OPCML: variants seen among roughly 807,000 people sequenced by gnomAD.
The protein encoded by OPCML is opioid-binding protein/cell adhesion molecule.
A neutral mutation model predicts 37.8 loss-of-function variants in OPCML; 13 were observed. That is an observed-to-expected ratio of 0.34 (90% confidence interval 0.22 to 0.55). The LOEUF (loss-of-function observed/expected upper bound fraction) is 0.55. OPCML is among the 20% of genes least tolerant of loss of function. The pLI, the probability that OPCML is intolerant of heterozygous loss-of-function variation, is 0.91. For missense variants in OPCML, 341 were observed against 435.6 expected (o/e 0.78, Z 1.93); for synonymous variants, 176 against 168.8 (o/e 1.04, Z -0.33).
Position 133,458,548 on chromosome 11 carries a change from C to CT in OPCML, c.61+73715_61+73716insA, listed in dbSNP as rs1334048601. Among the ~76,000 whole-genome samples, 61 of 87,256 alleles carry CT rather than the reference C, an allele frequency of 7.0e-4. 3 individuals carry two copies. Among genetic ancestry groups the CT allele is most frequent in the Non-Finnish European group, 1.1e-3 (55 of 51,326 alleles). 57.2% of individuals were successfully genotyped at this position (87,256 alleles called of 152,430 possible). A position where few individuals can be genotyped will look rare whatever the true frequency, so the allele number is the denominator to read the frequency against. ...CTGTGTGTGTATACACATATATACA[C>CT]GTGTGTGTGTATACACATATATACA... On this transcript the variant is annotated intron_variant, in intron 1 of 7. Coordinates refer to ENST00000524381, the MANE Select transcript of OPCML (RefSeq NM_001012393.5).
intron 4 of OPCML, among the ~76,000 whole-genome samples, chr11:132,454,924 A>C (rs1156714981): frequency 6.6e-6 from 1 of 152,220 alleles, no homozygotes; most frequent in Non-Finnish European, 1.5e-5. Context: ...CCTGGACTGA[A>C]TAAACATGTC....
intron 2 of OPCML, among the ~76,000 whole-genome samples, chr11:132,668,101 G>A (rs1328259900): frequency 4.6e-5 from 7 of 152,168 alleles, no homozygotes; most frequent in African/African-American, 1.7e-4. Flanking sequence ...TCTTAATAAA[G>A]TCCTTGAGCA....
intron 1 of OPCML, among the ~76,000 whole-genome samples, chr11:133,395,289 T>A (rs1171631931): frequency 6.6e-6 from 1 of 152,166 alleles, no homozygotes; most frequent in African/African-American, 2.4e-5. Flanking sequence ...TGTCAGAGAG[T>A]AGTTTGCAAA....
intron 1 of OPCML, among the ~76,000 whole-genome samples, chr11:133,082,289 G>T (rs924270632): frequency 1.1e-3 from 171 of 151,688 alleles, no homozygotes; most frequent in African/African-American, 3.9e-3. Context: ...TGGGGCCTTG[G>T]GTAGGCGAGC....
intron 4 of OPCML, among the ~76,000 whole-genome samples, chr11:132,473,591 C>T (rs1189122225): frequency 2.6e-5 from 4 of 152,052 alleles, no homozygotes; most frequent in Admixed American, 1.3e-4. Flanking sequence ...TTTGGGAGGC[C>T]GAGGTGGGAA....
At chr11:133,367,316 G>C (rs1448473373) in intron 1 of OPCML, among the ~76,000 whole-genome samples, 8 of 152,086 alleles carry the variant, frequency 5.3e-5, no homozygotes. Context: ...CTAAAGACAT[G>C]GCTGCATGTT....
intron 4 of OPCML, among the ~76,000 whole-genome samples, chr11:132,451,934 C>T (rs764297994): frequency 3.5e-4 from 54 of 152,142 alleles, no homozygotes; most frequent in Non-Finnish European, 6.8e-4. Context: ...TCAAACTCTG[C>T]CCTCACTGGA....
intron 4 of OPCML, among the ~76,000 whole-genome samples, chr11:132,475,941 C>T (rs2136983455): frequency 6.6e-6 from 1 of 152,264 alleles, no homozygotes; most frequent in Non-Finnish European, 1.5e-5. Flanking sequence ...TGACCCTGTG[C>T]AAGTAACCTA....
At chr11:133,384,788 C>T (rs1945009018) in intron 1 of OPCML, among the ~76,000 whole-genome samples, 1 of 152,234 alleles carries the variant, frequency 6.6e-6, no homozygotes, top group Admixed American at 6.5e-5. Flanking sequence ...GCCAAAGCCC[C>T]TCAGAAGTGG....
chr11:132,912,157 T>TA (rs11390129), intron 2 of OPCML, among the ~76,000 whole-genome samples: 19,129 of 147,564 alleles, frequency 0.13, 1,399 homozygotes, highest in East Asian at 0.34. Context: ...AAGACTCCAA[T>TA]AAAAAAAAAA....
intron 1 of OPCML, among the ~76,000 whole-genome samples, chr11:133,364,345 T>C (rs956652205): frequency 1.3e-5 from 2 of 152,198 alleles, no homozygotes; most frequent in African/African-American, 2.4e-5. Flanking sequence ...AGAGCCCACA[T>C]GAAACAGTGC....
intron 2 of OPCML, among the ~76,000 whole-genome samples, chr11:132,678,419 T>C (rs1186997854): frequency 6.6e-6 from 1 of 152,204 alleles, no homozygotes; most frequent in Non-Finnish European, 1.5e-5. Context: ...GTTGAAAGTT[T>C]ATGACCATGC....
intron 2 of OPCML, among the ~76,000 whole-genome samples, chr11:132,850,986 C>T (rs1941783561): frequency 6.6e-6 from 1 of 152,210 alleles, no homozygotes; most frequent in African/African-American, 2.4e-5. Flanking sequence ...ATGGGGTCTG[C>T]GAATAGAATT....
chr11:132,820,101 A>G (rs910952476), intron 2 of OPCML, among the ~76,000 whole-genome samples: 1 of 151,546 alleles, frequency 6.6e-6, no homozygotes, highest in Non-Finnish European at 1.5e-5. Flanking sequence ...GAATGAATGA[A>G]TGAAAGAAAC....
At chr11:133,246,630 G>A (rs528019406) in intron 1 of OPCML, among the ~76,000 whole-genome samples, 11 of 152,228 alleles carry the variant, frequency 7.2e-5, no homozygotes, top group South Asian at 4.1e-4. Flanking sequence ...AGAGACATCC[G>A]GGGCAAACTC....
In OPCML at chr11:132,734,432, A is replaced by G. The variant is rs541788873; in HGVS notation, c.147-77113T>C. 1.6e-4 allele frequency among the ~76,000 whole-genome samples: 24 copies of G among 152,318 alleles called. No individual in the cohort carries two copies. In the South Asian group the frequency reaches 3.1e-3, roughly 20 times the overall value. On this transcript the variant is annotated intron_variant, in intron 2 of 7. Transcript: ENST00000524381. Reference sequence around the variant, plus strand: ...AGACACCACTTTATGAAATCATTCAAGCAGACCAATAAATCCACAATGTGG... The same window carrying G: ...AGACACCACTTTATGAAATCATTCAGGCAGACCAATAAATCCACAATGTGG...
intron 1 of OPCML, among the ~76,000 whole-genome samples, chr11:133,376,136 A>T (rs7115866): frequency 0.2 from 29,741 of 152,112 alleles, 3,935 homozygotes; most frequent in African/African-American, 0.37. Flanking sequence ...AGGGCAGATA[A>T]TGAGTCAGAT....
At chr11:133,356,135 C>T (rs1944283917) in intron 1 of OPCML, among the ~76,000 whole-genome samples, 2 of 152,248 alleles carry the variant, frequency 1.3e-5, no homozygotes, top group Middle Eastern at 3.4e-3. Flanking sequence ...CTTCCCAATG[C>T]TATCTTAAAA....
At chr11:133,097,784 T>C (rs1232518023) in intron 1 of OPCML, among the ~76,000 whole-genome samples, 3 of 152,158 alleles carry the variant, frequency 2.0e-5, no homozygotes, top group Admixed American at 1.3e-4. Flanking sequence ...ACCAATTTCT[T>C]GAAAGATATG....
Sources: gnomAD v4.1 joint callset for allele counts (sites outside exome capture counted in the v4.1 genomes callset) on GRCh38, gnomAD v4.1.1 for gene constraint, MANE v1.5 for transcripts, NCBI Gene and HGNC (gene_info 2026-07-23, HGNC 2026-07-21) for gene names.